Variants in CNGB3 observed in about 807,000 individuals in gnomAD.
CNGB3 encodes the protein cyclic nucleotide gated channel subunit beta 3, also known as cyclic nucleotide-gated channel beta-3.
CNGB3 carries 86 observed loss-of-function variants against 92.8 expected under a neutral mutation model. The ratio of observed to expected loss-of-function variants is 0.93; its 90% CI spans 0.78 to 1.11. The LOEUF (loss-of-function observed/expected upper bound fraction) is 1.11. Ranked by LOEUF, CNGB3 falls within the 50% of genes least tolerant of loss-of-function variation. The probability of loss-of-function intolerance (pLI) is 0.00; values close to 1 mark genes in which losing one functional copy is unlikely to be tolerated. For synonymous variants in CNGB3, 333 were observed against 332.7 expected (o/e 1.00, Z -0.01); for missense variants, 1,026 against 956.8 (o/e 1.07, Z -0.95).
At chr8:86,631,035 G>C (rs1321578899) in intron 11 of CNGB3, among the ~76,000 whole-genome samples, 1 of 152,124 alleles carries the variant, frequency 6.6e-6, no homozygotes, top group African/African-American at 2.4e-5. Flanking sequence ...GCACATATCT[G>C]TATCTCTAGC....
chr8:86,651,566 C>A (rs1004896374), intron 7 of CNGB3, among the ~76,000 whole-genome samples: 1 of 151,714 alleles, frequency 6.6e-6, no homozygotes, highest in Non-Finnish European at 1.5e-5. Flanking sequence ...ATAGTGCTAC[C>A]CTAAAACTTA....
At chr8:86,678,811 C>A (rs905301324) in intron 3 of CNGB3, among the ~76,000 whole-genome samples, 9 of 152,240 alleles carry the variant, frequency 5.9e-5, no homozygotes, top group Admixed American at 5.9e-4. Context: ...TGTACACACA[C>A]CTGCCTATAT....
At chr8:86,582,098 T>C (rs1426999388) in intron 15 of CNGB3, among the ~76,000 whole-genome samples, 1 of 93,668 alleles carries the variant, frequency 1.1e-5, no homozygotes, top group Non-Finnish European at 2.6e-5. Context: ...ACACAGATAT[T>C]GGAGTTATTA....
rs542719384 is a variant in CNGB3 at position 86,640,132 on chromosome 8, A to G, written c.1178+3619T>C. On this transcript the variant is annotated intron_variant, in intron 10 of 17. Coordinates refer to ENST00000320005, the MANE Select transcript of CNGB3 (RefSeq NM_019098.5). ...TTGTTTCTGGTTACTTGACCTGTCAATAATTATGTTTGGTGTCTCACACTT... is the reference window on the plus strand; with the variant it reads ...TTGTTTCTGGTTACTTGACCTGTCAGTAATTATGTTTGGTGTCTCACACTT... Among the ~76,000 whole-genome samples, 3 of 152,058 alleles carry G rather than the reference A, an allele frequency of 2.0e-5. No individual in the cohort carries two copies. The East Asian group carries it at 5.8e-4, about 29-fold the overall frequency.
intron 3 of CNGB3, among the ~76,000 whole-genome samples, chr8:86,702,498 C>T (rs1563760388): frequency 6.6e-6 from 1 of 152,074 alleles, no homozygotes; most frequent in Admixed American, 6.5e-5. Context: ...ATAAATTCCC[C>T]CAAATAGTAG....
At chr8:86,665,506 T>A (rs1317448794) in intron 6 of CNGB3, among the ~76,000 whole-genome samples, 1 of 135,102 alleles carries the variant, frequency 7.4e-6, no homozygotes, top group Admixed American at 7.9e-5. Flanking sequence ...AGCAAAGACA[T>A]GAAATCATTC....
chr8:86,679,064 T>C (rs1362458034), intron 3 of CNGB3, among the ~76,000 whole-genome samples: 1 of 152,160 alleles, frequency 6.6e-6, no homozygotes, highest in East Asian at 1.9e-4. Flanking sequence ...AGTCAAAGAA[T>C]GTTTGATACA....
At chr8:86,620,351 G>A (rs891083657) in intron 13 of CNGB3, among the ~76,000 whole-genome samples, 4 of 152,102 alleles carry the variant, frequency 2.6e-5, no homozygotes, top group Non-Finnish European at 5.9e-5. Context: ...GGCATCAGCA[G>A]GTCTGGTTTC....
intron 4 of CNGB3, among the ~76,000 whole-genome samples, chr8:86,670,139 C>T (rs1462691504): frequency 3.3e-5 from 5 of 152,172 alleles, no homozygotes; most frequent in African/African-American, 7.2e-5. Context: ...TGAGCCACTA[C>T]GCCTGGCCAA....
intron 3 of CNGB3, among the ~76,000 whole-genome samples, chr8:86,715,740 TA>T (rs1407404816): frequency 3.6e-5 from 5 of 139,206 alleles, no homozygotes; most frequent in Admixed American, 8.0e-5. Context: ...CTTAAAGAAA[TA>T]AAAAACATGA....
rs1260115148 is a variant in CNGB3 at position 86,607,796 on chromosome 8, G to A, written c.1663-3585C>T. On this transcript the variant is annotated intron_variant, in intron 14 of 17. Coordinates refer to ENST00000320005, the MANE Select transcript of CNGB3 (RefSeq NM_019098.5). Reference sequence around the variant, plus strand: ...GGGATTAAGTAGGTCAGCAAACTTGGCCCCAAATGCTGTCATCTCTTAAAT... The same window carrying A: ...GGGATTAAGTAGGTCAGCAAACTTGACCCCAAATGCTGTCATCTCTTAAAT... 2.6e-5 allele frequency among the ~76,000 whole-genome samples: 4 copies of A among 152,062 alleles called. No individual in the cohort carries two copies. The South Asian group carries it at 8.3e-4, about 32-fold the overall frequency.
chr8:86,723,086 G>T (rs982966941), intron 3 of CNGB3, among the ~76,000 whole-genome samples: 20 of 151,872 alleles, frequency 1.3e-4, no homozygotes, highest in African/African-American at 4.6e-4. Context: ...GTTCACTTCT[G>T]CCCATCTTCC....
intron 13 of CNGB3, among the ~76,000 whole-genome samples, 167 bp from the exon 14 acceptor site, chr8:86,611,838 A>T (rs1822528832): frequency 6.6e-6 from 1 of 152,160 alleles, no homozygotes; most frequent in Non-Finnish European, 1.5e-5. Flanking sequence ...TAGAAAAAAA[A>T]TACCTATAGT....
intron 3 of CNGB3, among the ~76,000 whole-genome samples, chr8:86,718,071 A>G (rs1284098937): frequency 6.6e-6 from 1 of 152,160 alleles, no homozygotes; most frequent in Non-Finnish European, 1.5e-5. Flanking sequence ...CAGAAAGAGA[A>G]CAAAGTGACA....
At chr8:86,599,183 T>G (rs1822238209) in intron 15 of CNGB3, among the ~76,000 whole-genome samples, 1 of 152,216 alleles carries the variant, frequency 6.6e-6, no homozygotes, top group Non-Finnish European at 1.5e-5. Flanking sequence ...CTTATGCCTG[T>G]CTCTACTGCA....
intron 15 of CNGB3, among the ~76,000 whole-genome samples, chr8:86,580,309 A>C (rs905512721): frequency 2.0e-5 from 3 of 152,094 alleles, no homozygotes; most frequent in African/African-American, 7.2e-5. Flanking sequence ...AAGCCAAACC[A>C]TGTCAGTTGG....
At chr8:86,715,332 C>T (rs938525825) in intron 3 of CNGB3, among the ~76,000 whole-genome samples, 1 of 152,124 alleles carries the variant, frequency 6.6e-6, no homozygotes, top group Non-Finnish European at 1.5e-5. Context: ...GTTTTGGTAT[C>T]CATGGCTGAG....
chr8:86,590,518 C>G (rs367749153), intron 15 of CNGB3, among the ~76,000 whole-genome samples: 1 of 151,866 alleles, frequency 6.6e-6, no homozygotes. Flanking sequence ...TTCAGGAGCT[C>G]TTTTAGGGCA....
In CNGB3 at chr8:86,647,848, G is replaced by C; in HGVS notation, c.943C>G (p.Leu315Val). ...AACATTGGATTAAACCCAAAGAAGA[G>C]GTAGCAAATATCAAATGGTATTATT... ...ASIIPFDICY[L>V]FFGFNPMFRA... The change falls in exon 8 of 18, where the codon CTC (leucine) becomes GTC (valine). Residue 315 changes from leucine (L) to valine (V), a missense_variant. Transcript: ENST00000320005. 1 of 1,597,128 alleles carries C rather than the reference G, an allele frequency of 6.3e-7. No individual in the cohort carries two copies. The highest frequency in any genetic ancestry group is 1.3e-5 in the African/African-American group (1 of 74,496).
Sources: gnomAD v4.1 joint callset for allele counts (sites outside exome capture counted in the v4.1 genomes callset) on GRCh38, gnomAD v4.1.1 for gene constraint, MANE v1.5 for transcripts, NCBI Gene and HGNC (gene_info 2026-07-23, HGNC 2026-07-21) for gene names.